Variants in IFI16 observed in about 807,000 individuals in gnomAD.
IFI16 encodes the protein gamma-interferon-inducible protein 16.
In IFI16, 49 loss-of-function variants were observed where a neutral mutation model predicts 68.4. That is an observed-to-expected ratio of 0.72 (90% CI 0.57 to 0.91). The LOEUF (loss-of-function observed/expected upper bound fraction) is 0.91. Among genes scored for constraint, IFI16 ranks in the 40% least tolerant of loss-of-function variants. IFI16 has a pLI of 0.00. For synonymous variants in IFI16, 307 were observed against 315.0 expected, an observed-to-expected ratio of 0.97 and a Z score of 0.27; for missense variants, 878 against 942.9, an observed-to-expected ratio of 0.93 and a Z score of 0.90.
At position 159,020,504 on chromosome 1, in the gene IFI16, T is replaced by C. The variant is rs1368958704; in HGVS notation, c.1136T>C (p.Ile379Thr). The C allele has an allele frequency of 1.2e-6, 2 of 1,611,728 alleles. No individual in the cohort carries two copies. Among genetic ancestry groups the C allele is most frequent in the Non-Finnish European group, 1.7e-6 (2 of 1,178,740 alleles). ...AAAAAGAACCAGATGTCAAAACTGA[T>C]TTCAGAAATGCATAGTTTTATCCAG... ...LRKKNQMSKL[I>T]SEMHSFIQIK... The change falls in exon 6 of 12, where the codon ATT (isoleucine) becomes ACT (threonine). Residue 379 changes from isoleucine (I) to threonine (T), a missense_variant. Transcript: ENST00000295809.
Position 159,016,644 on chromosome 1 carries a change from C to T in IFI16, c.493C>T (p.Arg165Cys), listed in dbSNP as rs145132906. ...AGCCGGCATGTCCACAGCCATGGGC[C>T]GTTCCCCATCTCCCAAGACCTCATT... ...AGAGMSTAMG[R>C]SPSPKTSLSA... Residue 165 changes from arginine to cysteine, a missense_variant, in exon 4 of 12, where the codon CGT becomes TGT. Physicochemically the swap from Arg to Cys is radical, Grantham distance 180. Coordinates refer to ENST00000295809, the MANE Select transcript of IFI16 (RefSeq NM_001376587.1). 38 of 1,614,028 alleles carry T rather than the reference C, an allele frequency of 2.4e-5. No individual in the cohort carries two copies. Among genetic ancestry groups the T allele is most frequent in the African/African-American group, 1.3e-4 (10 of 74,908 alleles).
rs376247514 is a variant in IFI16, at chr1:159,026,491, G to C, written c.1161+5962G>C. ...TTTTTGTATCTTTAGTAGAGATGGG[G>C]TTTCACCGTGCTGGCCAGGCTGGTC... On this transcript the variant is annotated intron_variant, in intron 6 of 11. Transcript: ENST00000295809. 2.4e-4 allele frequency among the ~76,000 whole-genome samples: 36 copies of C among 152,054 alleles called. No individual in the cohort carries two copies. The East Asian group carries it at 4.5e-3, about 19-fold the overall frequency.
upstream of IFI16, among the ~76,000 whole-genome samples, chr1:159,001,331 T>C (rs1054660956): frequency 1.7e-4 from 26 of 152,236 alleles, no homozygotes; most frequent in Non-Finnish European, 7.3e-5. Flanking sequence ...AGGATGTTTA[T>C]GAGCTGAAGA....
chr1:159,039,881 A>G (rs1230140725), intron 7 of IFI16, among the ~76,000 whole-genome samples: 1 of 152,208 alleles, frequency 6.6e-6, no homozygotes, highest in African/African-American at 2.4e-5. Flanking sequence ...CTAGCTTACT[A>G]TTATCATCCT....
chr1:159,053,167 C>A (rs1655463294), intron 10 of IFI16: 1 of 164,114 alleles, frequency 6.1e-6, no homozygotes, highest in Admixed American at 6.3e-5. Context: ...TAAAAAGCCT[C>A]TATTCTCTGC....
At chr1:159,050,171 C>T (rs755138340) in intron 9 of IFI16, among the ~76,000 whole-genome samples, 9 of 152,102 alleles carry the variant, frequency 5.9e-5, no homozygotes, top group South Asian at 2.1e-4. Flanking sequence ...ATTAATATAT[C>T]GTGAACTGCC....
intron 5 of IFI16, among the ~76,000 whole-genome samples, chr1:159,019,256 A>G (rs1173329595): frequency 1.6e-5 from 2 of 124,054 alleles, no homozygotes; most frequent in Non-Finnish European, 3.0e-5. Flanking sequence ...TTTATATATA[A>G]ATAACAAAAA....
chr1:159,050,320 A>G (rs542378054), intron 9 of IFI16, among the ~76,000 whole-genome samples: 123 of 152,242 alleles, frequency 8.1e-4, no homozygotes, highest in African/African-American at 2.9e-3. Flanking sequence ...AACGAACATA[A>G]TAAGATCACA....
chr1:159,045,338 G>T lies in IFI16; in HGVS notation c.1371G>T (p.Arg457Ser). The T allele has an allele frequency of 6.6e-7, 1 of 1,506,014 alleles. No homozygotes were observed. The highest frequency in any genetic ancestry group is 1.8e-4 in the Middle Eastern group (1 of 5,568). The allele number at this position is 1,506,014 out of a possible 1,614,324, so 93.3% of individuals were successfully genotyped here. A position where few individuals can be genotyped will look rare whatever the true frequency, so the allele number is the denominator to read the frequency against. ...TCTCCAAAATGAATGACTTCATGAGGATGCAGATACTGAAGGAAGGGAGTC... is the reference window on the plus strand; with the variant it reads ...TCTCCAAAATGAATGACTTCATGAGTATGCAGATACTGAAGGAAGGGAGTC... ...DTISKMNDFM[R>S]MQILKEGSHF... is the part of the protein sequence containing the mutation. The change falls in exon 8 of 12, where the codon AGG becomes AGT. Residue 457 changes from arginine to serine, a missense_variant. Arg to Ser is a moderately radical substitution (Grantham distance 110). Coordinates refer to ENST00000295809, the MANE Select transcript of IFI16 (RefSeq NM_001376587.1).
chr1:159,037,526 A>T (rs1445969387), intron 7 of IFI16, among the ~76,000 whole-genome samples: 1 of 152,222 alleles, frequency 6.6e-6, no homozygotes, highest in African/African-American at 2.4e-5. Flanking sequence ...CATAGATCAT[A>T]TAATGCCTGA....
At chr1:159,012,686 G>A (rs1306593138) in intron 1 of IFI16, among the ~76,000 whole-genome samples, 2 of 152,178 alleles carry the variant, frequency 1.3e-5, no homozygotes, top group Non-Finnish European at 2.9e-5. Flanking sequence ...TAAGCTGACC[G>A]GATTGGCTAC....
intron 8 of IFI16, among the ~76,000 whole-genome samples, chr1:159,049,221 A>G (rs905826419): frequency 2.0e-5 from 3 of 148,568 alleles, no homozygotes; most frequent in South Asian, 2.1e-4. Flanking sequence ...AATTTCAGTT[A>G]TCTGAGTTTT....
chr1:159,009,710 A>G (rs1652426550), upstream of IFI16, among the ~76,000 whole-genome samples: 1 of 152,224 alleles, frequency 6.6e-6, no homozygotes, highest in African/African-American at 2.4e-5. Context: ...GATATATGCC[A>G]TATTGGTGAA....
At chr1:159,012,855 C>T (rs1652656941) in intron 1 of IFI16, among the ~76,000 whole-genome samples, 1 of 152,172 alleles carries the variant, frequency 6.6e-6, no homozygotes, top group Non-Finnish European at 1.5e-5. Context: ...TTCTAGCACA[C>T]TCACAAAATA....
At position 159,032,665 on chromosome 1, in the gene IFI16, A is replaced by C. The variant is rs1461894099; in HGVS notation, c.1303A>C (p.Thr435Pro). 3.1e-6 allele frequency: 5 copies of C among 1,599,306 alleles called. No individual in the cohort carries two copies. The Admixed American group carries it at 8.9e-5, about 28-fold the overall frequency. The part of the protein sequence containing the change: ...HLRTPQMPPT[T>P]PSSSFFTKKS... ...TCGGACTCCTCAGATGCCACCAACA[A>C]CTCCATCCAGCAGTTTCTTCACCAA... Residue 435 changes from threonine (T) to proline (P), a missense_variant, in exon 7 of 12, where the codon ACT (threonine) becomes CCT (proline). Thr to Pro is a conservative substitution (Grantham distance 38). Coordinates refer to ENST00000295809, the MANE Select transcript of IFI16 (RefSeq NM_001376587.1).
intron 6 of IFI16, among the ~76,000 whole-genome samples, chr1:159,026,294 CTTTCT>C (rs1198846840): frequency 9.5e-6 from 1 of 104,916 alleles, no homozygotes; most frequent in Non-Finnish European, 1.8e-5. Flanking sequence ...TTCTTTATTT[CTTTCT>C]TTTTTTTTTT....
chr1:159,019,138 T>C (rs1653128623), intron 5 of IFI16, among the ~76,000 whole-genome samples: 2 of 151,952 alleles, frequency 1.3e-5, no homozygotes, highest in South Asian at 2.1e-4. Context: ...AGAAAGTAGG[T>C]AGGACAATGT....
chr1:159,047,178 C>A (rs1372443972), intron 8 of IFI16, among the ~76,000 whole-genome samples: 5 of 151,284 alleles, frequency 3.3e-5, no homozygotes, highest in Non-Finnish European at 7.4e-5. Flanking sequence ...CCCCAAGCTA[C>A]CCCCGGCCCA....
chr1:159,028,994 G>A (rs181725006), intron 6 of IFI16, among the ~76,000 whole-genome samples: 148 of 152,268 alleles, frequency 9.7e-4, no homozygotes, highest in African/African-American at 3.3e-3. Flanking sequence ...TTCAATGTTA[G>A]TATTGAGATG....
Sources: allele counts gnomAD v4.1 joint callset (sites outside exome capture counted in the v4.1 genomes callset), GRCh38; gene constraint gnomAD v4.1.1; transcripts MANE v1.5; gene names NCBI Gene and HGNC (gene_info 2026-07-23, HGNC 2026-07-21).